KLF8: variants seen among roughly 807,000 people sequenced by gnomAD.
The protein encoded by KLF8 is KLF transcription factor 8.
KLF8 carries 10 observed loss-of-function variants against 18.2 expected under a neutral mutation model. That is an observed-to-expected ratio of 0.55 (90% CI 0.34 to 0.93). The LOEUF (loss-of-function observed/expected upper bound fraction) is 0.93, where lower values mean the gene tolerates loss of function less well. Ranked by LOEUF, KLF8 falls within the 40% of genes least tolerant of loss-of-function variation. The pLI, the probability that KLF8 is intolerant of heterozygous loss-of-function variation, is 0.02. For missense variants in KLF8, 264 were observed against 277.9 expected (o/e 0.95, Z 0.36); for synonymous variants, 109 against 97.3 (o/e 1.12, Z -0.71).
chrX:56,067,334 A>G, the KLF8 span, among the ~76,000 whole-genome samples: 1 of 108,566 alleles, frequency 9.2e-6, no homozygotes. Flanking sequence ...TTTTTTACAT[A>G]TCAGATTTTT....
At chrX:56,186,040 G>T in the KLF8 span, among the ~76,000 whole-genome samples, 1 of 112,255 alleles carries the variant, frequency 8.9e-6, no homozygotes, top group African/African-American at 3.2e-5. Flanking sequence ...AACTTTAAAT[G>T]TAAATGCACT....
At chrX:56,180,026 C>T in the KLF8 span, among the ~76,000 whole-genome samples, 4 of 111,044 alleles carry the variant, frequency 3.6e-5, no homozygotes, top group Admixed American at 3.9e-4. Context: ...AGGGAGGATT[C>T]CCTCTTTTTC....
the KLF8 span, among the ~76,000 whole-genome samples, chrX:55,942,483 C>T: frequency 1.6e-4 from 18 of 109,954 alleles, 1 homozygote; most frequent in African/African-American, 5.6e-4. Context: ...CAAATCTGTA[C>T]GTCATGCACT....
the KLF8 span, among the ~76,000 whole-genome samples, chrX:56,139,369 G>A: frequency 8.9e-6 from 1 of 111,751 alleles, no homozygotes; most frequent in East Asian, 2.8e-4. Flanking sequence ...AAAGAACACA[G>A]CTAGAGGCAT....
chrX:56,056,543 G>T, the KLF8 span, among the ~76,000 whole-genome samples: 33 of 100,677 alleles, frequency 3.3e-4, no homozygotes, highest in African/African-American at 1.2e-3. Context: ...GTAAACTATT[G>T]CAAGAACAAA....
chrX:56,196,521 G>A, the KLF8 span, among the ~76,000 whole-genome samples: 22 of 112,087 alleles, frequency 2.0e-4, no homozygotes, highest in Admixed American at 2.0e-3. Flanking sequence ...TAATGGTAAA[G>A]GAATCAATTG....
At chrX:56,141,330 A>C in the KLF8 span, among the ~76,000 whole-genome samples, 1 of 111,717 alleles carries the variant, frequency 9.0e-6, no homozygotes, top group Non-Finnish European at 1.9e-5. Context: ...ATGAATTTCC[A>C]ATGTATATCC....
the KLF8 span, among the ~76,000 whole-genome samples, chrX:56,220,474 TTTC>T: frequency 9.3e-6 from 1 of 107,135 alleles, no homozygotes; most frequent in Non-Finnish European, 1.9e-5. Context: ...GGTTTTTTTC[TTTC>T]TTTTTTCTTT....
chrX:56,228,324 G>T (rs1163363631), upstream of KLF8, among the ~76,000 whole-genome samples: 1 of 111,303 alleles, frequency 9.0e-6, no homozygotes, highest in South Asian at 3.8e-4. Flanking sequence ...TCTCATTGGC[G>T]GCCAATCTAG....
At chrX:56,079,755 G>A in the KLF8 span, among the ~76,000 whole-genome samples, 1 of 110,120 alleles carries the variant, frequency 9.1e-6, no homozygotes, top group Admixed American at 9.7e-5. Context: ...AGGTGTTAAA[G>A]TCTCCCATTA....
the KLF8 span, among the ~76,000 whole-genome samples, chrX:56,061,415 G>A: frequency 1.3e-4 from 14 of 111,306 alleles, 1 homozygote; most frequent in Non-Finnish European, 2.6e-4. Context: ...CCTTAATTTC[G>A]TTATTTACCA....
At chrX:56,269,770 G>A (rs923317517) in intron 4 of KLF8, among the ~76,000 whole-genome samples, 2 of 112,418 alleles carry the variant, frequency 1.8e-5, no homozygotes, top group African/African-American at 6.5e-5. Context: ...GTTATGTACT[G>A]TTTCTCTCTG....
chrX:56,157,771 T>C, the KLF8 span, among the ~76,000 whole-genome samples: 1 of 111,833 alleles, frequency 8.9e-6, no homozygotes, highest in Non-Finnish European at 1.9e-5. Flanking sequence ...TTTGAGTTCA[T>C]TGTAGATTCT....
the KLF8 span, among the ~76,000 whole-genome samples, chrX:56,149,427 A>C: frequency 9.0e-6 from 1 of 110,540 alleles, no homozygotes; most frequent in African/African-American, 3.3e-5. Flanking sequence ...ACTGAAGACT[A>C]CTAGAAAGTG....
chrX:56,039,407 T>A, the KLF8 span, among the ~76,000 whole-genome samples: 1 of 111,693 alleles, frequency 9.0e-6, no homozygotes, highest in African/African-American at 3.3e-5. Context: ...GGAAGAGGCC[T>A]AATTTCAGTT....
the KLF8 span, among the ~76,000 whole-genome samples, chrX:56,014,421 A>G: frequency 1.8e-5 from 2 of 112,579 alleles, no homozygotes; most frequent in African/African-American, 6.5e-5. Flanking sequence ...TCAAAACCAC[A>G]ATGAGATACC....
the KLF8 span, among the ~76,000 whole-genome samples, chrX:56,175,227 G>A: frequency 9.0e-6 from 1 of 111,563 alleles, no homozygotes; most frequent in East Asian, 2.8e-4. Flanking sequence ...TTCTCTTGTG[G>A]GCATTTAGTG....
the KLF8 span, among the ~76,000 whole-genome samples, chrX:56,206,839 C>T: frequency 1.8e-5 from 2 of 112,901 alleles, no homozygotes; most frequent in Non-Finnish European, 3.7e-5. Context: ...CCACACTGCC[C>T]TAGCAGAGTT....
the KLF8 span, among the ~76,000 whole-genome samples, chrX:56,086,511 A>C: frequency 1.8e-5 from 2 of 111,305 alleles, no homozygotes; most frequent in Non-Finnish European, 3.8e-5. Flanking sequence ...TGAGGAGCTT[A>C]GAGATGACAA....
Sources: gnomAD v4.1 joint callset for allele counts (sites outside exome capture counted in the v4.1 genomes callset) on GRCh38, gnomAD v4.1.1 for gene constraint, MANE v1.5 for transcripts, NCBI Gene and HGNC (gene_info 2026-07-23, HGNC 2026-07-21) for gene names.